Variants in LPP observed in about 807,000 individuals in gnomAD.
LPP encodes the protein lipoma-preferred partner.
Under a neutral mutation model 60.4 loss-of-function variants are expected in LPP, and 38 were observed. The ratio of observed to expected loss-of-function variants is 0.63; its 90% confidence interval spans 0.49 to 0.83. LPP has a LOEUF of 0.83. Among genes scored for constraint, LPP ranks in the 40% least tolerant of loss-of-function variants. The pLI, the probability that LPP is intolerant of heterozygous loss-of-function variation, is 0.00. For synonymous variants in LPP, 328 were observed against 290.8 expected, an observed-to-expected ratio of 1.13 and a Z score of -1.30; for missense variants, 902 against 783.6, an observed-to-expected ratio of 1.15 and a Z score of -1.80.
At chr3:188,451,975 A>G (rs1294697897) in intron 4 of LPP, among the ~76,000 whole-genome samples, 1 of 152,202 alleles carries the variant, frequency 6.6e-6, no homozygotes, top group Non-Finnish European at 1.5e-5. Flanking sequence ...GAGGCCGAAA[A>G]AATAGGTAAG....
Position 188,420,038 on chromosome 3 carries a change from A to G in LPP, c.193+13725A>G, listed in dbSNP as rs1248439488. Among the ~76,000 whole-genome samples, 3 of 152,296 alleles carry G rather than the reference A, an allele frequency of 2.0e-5. No homozygotes were observed. In the East Asian group the frequency reaches 5.8e-4, roughly 29 times the overall value. On this transcript the variant is annotated intron_variant, in intron 4 of 11. Transcript: ENST00000617246. ...CATTGTTCTTGCTATTATTATTGAA[A>G]TGAAAATATGAACATTAGCTCTGAG... is the stretch of plus-strand genomic sequence containing the variant.
rs570322445 is a variant in LPP at position 188,619,366 on chromosome 3, GCA to G, written c.1113+9527_1113+9528del. Among the ~76,000 whole-genome samples the G allele has an allele frequency of 1.3e-3, 194 of 152,290 alleles. 1 individual carries two copies. Among genetic ancestry groups the G allele is most frequent in the African/African-American group, 4.5e-3 (189 of 41,556 alleles). On this transcript the variant is annotated intron_variant, in intron 7 of 11. Coordinates refer to ENST00000617246, the MANE Select transcript of LPP (RefSeq NM_001375462.1). ...AATCCTGCTACCCACCCCATCCAAA[GCA>G]CACAAAATATTAGTTAAGTAAGCTA...
At chr3:188,187,656 C>G (rs1031645188) in intron 1 of LPP, among the ~76,000 whole-genome samples, 4 of 151,984 alleles carry the variant, frequency 2.6e-5, no homozygotes, top group Non-Finnish European at 5.9e-5. Flanking sequence ...TTCTCCATAT[C>G]TGGGCTATAA....
intron 9 of LPP, among the ~76,000 whole-genome samples, chr3:188,857,847 G>A (rs1382442796): frequency 1.3e-5 from 2 of 152,160 alleles, no homozygotes; most frequent in Admixed American, 6.5e-5. Flanking sequence ...GAAATACGGT[G>A]CTTCAGTGTG....
At chr3:188,602,354 A>G (rs1841532867) in intron 6 of LPP, among the ~76,000 whole-genome samples, 1 of 150,950 alleles carries the variant, frequency 6.6e-6, no homozygotes, top group Non-Finnish European at 1.5e-5. Context: ...TTATTCTTCT[A>G]GTCATGGTTA....
intron 4 of LPP, among the ~76,000 whole-genome samples, chr3:188,438,926 T>C (rs969903025): frequency 2.6e-5 from 4 of 152,188 alleles, no homozygotes; most frequent in African/African-American, 9.7e-5. Flanking sequence ...AATCATTGAA[T>C]GCATATGTCT....
intron 5 of LPP, among the ~76,000 whole-genome samples, chr3:188,509,522 T>C (rs1256785163): frequency 3.3e-5 from 5 of 152,184 alleles, no homozygotes; most frequent in Admixed American, 2.0e-4. Context: ...AAACTCGGCT[T>C]AAGTGGACCC....
At chr3:188,673,851 A>G (rs1857435056) in intron 7 of LPP, among the ~76,000 whole-genome samples, 1 of 151,358 alleles carries the variant, frequency 6.6e-6, no homozygotes, top group African/African-American at 2.4e-5. Context: ...AAGGAAGGGT[A>G]GAGTCCCTTT....
intron 2 of LPP, among the ~76,000 whole-genome samples, chr3:188,226,209 A>G (rs1280648330): frequency 6.6e-6 from 1 of 152,092 alleles, no homozygotes; most frequent in Non-Finnish European, 1.5e-5. Context: ...GGGTTTCACC[A>G]TGATGGCCAG....
chr3:188,847,410 A>G (rs2151815141), intron 9 of LPP, among the ~76,000 whole-genome samples: 1 of 152,352 alleles, frequency 6.6e-6, no homozygotes, highest in African/African-American at 2.4e-5. Context: ...GAAGACTCTC[A>G]GGTTGTAATT....
intron 5 of LPP, among the ~76,000 whole-genome samples, chr3:188,491,514 C>T (rs1332229204): frequency 1.3e-5 from 2 of 152,172 alleles, no homozygotes; most frequent in African/African-American, 4.8e-5. Flanking sequence ...GGTCAGCAAA[C>T]CCCAGTTGAT....
At chr3:188,337,225 A>G (rs545132439) in intron 2 of LPP, among the ~76,000 whole-genome samples, 16 of 152,322 alleles carry the variant, frequency 1.1e-4, no homozygotes, top group African/African-American at 3.8e-4. Context: ...ATGCACTCCC[A>G]GAGCAAGAGA....
intron 1 of LPP, among the ~76,000 whole-genome samples, chr3:188,196,411 G>A (rs1729561241): frequency 6.6e-6 from 1 of 152,082 alleles, no homozygotes; most frequent in South Asian, 2.1e-4. Context: ...GCTCCTCTCT[G>A]TCCTTCACTC....
rs534072211 is a variant in LPP at position 188,708,717 on chromosome 3, G to A, written c.1240+324G>A. On this transcript the variant is annotated intron_variant, in intron 8 of 11. Coordinates refer to ENST00000617246, the MANE Select transcript of LPP (RefSeq NM_001375462.1). Reference sequence around the variant, plus strand: ...CATTAAAAATACAAAAATTAGCTGAGTGTGGTGGCATGTGCCTGCAGTCCC... The same window carrying A: ...CATTAAAAATACAAAAATTAGCTGAATGTGGTGGCATGTGCCTGCAGTCCC... 383 of 420,828 alleles carry A rather than the reference G, an allele frequency of 9.1e-4. 1 individual carries two copies. Among genetic ancestry groups the A allele is most frequent in the African/African-American group, 6.1e-3 (310 of 50,752 alleles). 26.1% of individuals were successfully genotyped at this position (420,828 alleles called of 1,614,324 possible). A position where few individuals can be genotyped will look rare whatever the true frequency, so the allele number is the denominator to read the frequency against.
At chr3:188,648,689 G>A (rs1187540678) in intron 7 of LPP, among the ~76,000 whole-genome samples, 1 of 152,044 alleles carries the variant, frequency 6.6e-6, no homozygotes, top group Non-Finnish European at 1.5e-5. Context: ...CCTCATTTGG[G>A]TATTTGTTTC....
Position 188,504,987 on chromosome 3 carries a change from T to A in LPP, c.307-19678T>A, listed in dbSNP as rs1304614957. ...TGCCCAGCTTGGATCATGTAAGCTG[T>A]ATGCAAGCTGCTTCAAGTACATGTG... On this transcript the variant is annotated intron_variant, in intron 5 of 11. Transcript: ENST00000617246. 2.0e-5 allele frequency among the ~76,000 whole-genome samples: 3 copies of A among 152,182 alleles called. No homozygotes were observed. In the East Asian group the frequency reaches 5.8e-4, roughly 29 times the overall value.
intron 7 of LPP, among the ~76,000 whole-genome samples, chr3:188,663,197 C>T (rs900058019): frequency 1.6e-4 from 24 of 152,178 alleles, no homozygotes; most frequent in Admixed American, 9.2e-4. Context: ...GTAACCTGCA[C>T]GTGTGTTGAT....
intron 2 of LPP, among the ~76,000 whole-genome samples, chr3:188,284,771 C>T (rs114913104): frequency 7.4e-4 from 112 of 152,276 alleles, no homozygotes; most frequent in African/African-American, 2.4e-3. Flanking sequence ...GAGACAAAAA[C>T]GGGCAGGGGG....
intron 4 of LPP, among the ~76,000 whole-genome samples, chr3:188,419,064 T>A (rs1314141259): frequency 6.6e-6 from 1 of 152,158 alleles, no homozygotes; most frequent in Non-Finnish European, 1.5e-5. Context: ...AATCTCCAAG[T>A]TCTATGAGGT....
Sources: allele counts gnomAD v4.1 joint callset (sites outside exome capture counted in the v4.1 genomes callset), GRCh38; gene constraint gnomAD v4.1.1; transcripts MANE v1.5; gene names NCBI Gene and HGNC (gene_info 2026-07-23, HGNC 2026-07-21).